The following SEC23A variants were observed in gnomAD, a reference collection of about 807,000 sequenced individuals.
SEC23A encodes the protein protein transport protein Sec23A.
Under a neutral mutation model 103.7 loss-of-function variants are expected in SEC23A, and 56 were observed. The ratio of observed to expected loss-of-function variants is 0.54; its 90% CI spans 0.44 to 0.67. The LOEUF (loss-of-function observed/expected upper bound fraction) is 0.67. SEC23A is among the 30% of genes least tolerant of loss of function. The pLI is 0.00. For missense variants in SEC23A, 784 were observed against 936.4 expected, an observed-to-expected ratio of 0.84 and a Z score of 2.12; for synonymous variants, 281 against 293.0, an observed-to-expected ratio of 0.96 and a Z score of 0.42.
rs1886382139 is a variant in SEC23A at position 39,059,300 on chromosome 14, A to AAAAC, written c.1505+2464_1505+2465insGTTT. Among the ~76,000 whole-genome samples the AAAAC allele has an allele frequency of 9.2e-4, 93 of 100,886 alleles. 1 individual carries two copies. The highest frequency in any genetic ancestry group is 1.5e-3 in the Non-Finnish European group (71 of 48,418). 66.2% of individuals were successfully genotyped at this position (100,886 alleles called of 152,430 possible). ...GTTTAAAAAAAAAAAAAAAAAAAAA[A>AAAAC]AAAAAAAAAACAACAAGGTGCTCTG... On this transcript the variant is annotated intron_variant, in intron 13 of 19. Coordinates refer to ENST00000307712, the MANE Select transcript of SEC23A (RefSeq NM_006364.4).
At chr14:39,038,515 C>G (rs906983328) in intron 19 of SEC23A, among the ~76,000 whole-genome samples, 8 of 147,578 alleles carry the variant, frequency 5.4e-5, no homozygotes, top group African/African-American at 1.7e-4. Context: ...GAGGTTAACA[C>G]TTTTTTTTTT....
chr14:39,073,650 C>T (rs1221020190), intron 9 of SEC23A, among the ~76,000 whole-genome samples: 1 of 141,130 alleles, frequency 7.1e-6, no homozygotes, highest in East Asian at 2.1e-4. Flanking sequence ...AACTCTATCG[C>T]CAAGGCTGGA....
At chr14:39,075,793 A>G (rs559375726) in intron 8 of SEC23A, 142 bp downstream of exon 8, 47 of 722,236 alleles carry the variant, frequency 6.5e-5, no homozygotes, top group South Asian at 5.9e-4. Context: ...GAAAAAATGA[A>G]TATTTCTCCA....
chr14:39,081,918 C>T (rs1377199668), intron 7 of SEC23A, among the ~76,000 whole-genome samples: 1 of 151,854 alleles, frequency 6.6e-6, no homozygotes, highest in East Asian at 1.9e-4. Context: ...TTAATGACAC[C>T]CAGGGTAAGG....
At chr14:39,099,636 C>G (rs1370860620) in intron 1 of SEC23A, among the ~76,000 whole-genome samples, 5 of 152,102 alleles carry the variant, frequency 3.3e-5, no homozygotes, top group African/African-American at 1.2e-4. Context: ...TCCAAACCGT[C>G]AATTTGTGAT....
At chr14:39,074,583 T>C (rs1886950438) in intron 8 of SEC23A, 53 bp from the exon 9 acceptor site, 5 of 1,130,322 alleles carry the variant, frequency 4.4e-6, no homozygotes, top group Non-Finnish European at 6.6e-6. Flanking sequence ...CTATAAATCT[T>C]TTTTCCATTA....
At chr14:39,098,773 CAA>C (rs1287314938) in intron 1 of SEC23A, among the ~76,000 whole-genome samples, 1 of 108,844 alleles carries the variant, frequency 9.2e-6, no homozygotes, top group Admixed American at 1.0e-4. Flanking sequence ...GACTCCTTCT[CAA>C]AAAAAAAAAA....
At chr14:39,055,417 T>G in intron 13 of SEC23A, 121 bp from the exon 14 acceptor site, 2 of 1,114,508 alleles carry the variant, frequency 1.8e-6, no homozygotes, top group Non-Finnish European at 2.5e-6. Context: ...AGGATTTTTT[T>G]TTTTTTTTGA....
chr14:39,040,393 T>TA (rs1348593313), intron 18 of SEC23A: 24 of 227,638 alleles, frequency 1.1e-4, no homozygotes, highest in Non-Finnish European at 1.6e-4. Context: ...TAACAGTAAA[T>TA]AAACGGCTTT....
chr14:39,035,818 A>G (rs1885440425), intron 19 of SEC23A, among the ~76,000 whole-genome samples: 1 of 152,212 alleles, frequency 6.6e-6, no homozygotes, highest in Non-Finnish European at 1.5e-5. Context: ...AACAGGAGCA[A>G]TGCCATAAAA....
intron 5 of SEC23A, among the ~76,000 whole-genome samples, chr14:39,089,844 TA>T (rs2139284259): frequency 6.6e-6 from 1 of 152,284 alleles, no homozygotes; most frequent in East Asian, 1.9e-4. Flanking sequence ...TAGTCCCAGC[TA>T]CTCGAGAGGC....
intron 2 of SEC23A, among the ~76,000 whole-genome samples, chr14:39,094,227 T>C (rs1468587909): frequency 1.2e-5 from 1 of 83,432 alleles, no homozygotes; most frequent in Admixed American, 1.2e-4. Context: ...TACACATACA[T>C]ATATATATAT....
chr14:39,040,616 CT>C (rs1885605669), intron 18 of SEC23A, 115 bp downstream of exon 18: 2 of 1,316,590 alleles, frequency 1.5e-6, no homozygotes, highest in African/African-American at 2.9e-5. Flanking sequence ...CCCCACCTAT[CT>C]CCTTACCTTT....
intron 7 of SEC23A, among the ~76,000 whole-genome samples, chr14:39,082,420 T>G (rs563505687): frequency 3.4e-4 from 51 of 152,188 alleles, no homozygotes; most frequent in Admixed American, 9.8e-4. Flanking sequence ...GATGCTAAAC[T>G]AGTGGGTAAA....
At chr14:39,081,293 C>T (rs369016286) in intron 7 of SEC23A, among the ~76,000 whole-genome samples, 1 of 150,974 alleles carries the variant, frequency 6.6e-6, no homozygotes, top group African/African-American at 2.4e-5. Context: ...AAATTAGAAC[C>T]AAAGCTTTTT....
intron 3 of SEC23A, 157 bp downstream of exon 3, chr14:39,093,030 A>ATT: frequency 1.4e-5 from 7 of 511,154 alleles, no homozygotes; most frequent in South Asian, 4.5e-5. Context: ...CGCCCAGCTA[A>ATT]TTTTTTTTTT....
intron 5 of SEC23A, chr14:39,091,079 T>G (rs1352326768): frequency 4.8e-6 from 2 of 416,362 alleles, no homozygotes; most frequent in Middle Eastern, 1.7e-3. Context: ...GATGATGACA[T>G]GGACTTTGGT....
At chr14:39,044,632 A>G (rs761956088) in intron 16 of SEC23A, among the ~76,000 whole-genome samples, 5 of 152,224 alleles carry the variant, frequency 3.3e-5, no homozygotes, top group Non-Finnish European at 1.5e-5. Flanking sequence ...ACAGGTTAAA[A>G]TAAGTGGGAC....
chr14:39,035,132 A>C (rs1885418121), intron 19 of SEC23A, among the ~76,000 whole-genome samples: 1 of 152,208 alleles, frequency 6.6e-6, no homozygotes, highest in African/African-American at 2.4e-5. Context: ...CTTAATCTAT[A>C]TGAGCCTCAA....
Sources: allele counts gnomAD v4.1 joint callset (sites outside exome capture counted in the v4.1 genomes callset), GRCh38; gene constraint gnomAD v4.1.1; transcripts MANE v1.5; gene names NCBI Gene and HGNC (gene_info 2026-07-23, HGNC 2026-07-21).